The following TEAD4 variants were observed in gnomAD, a reference collection of about 807,000 sequenced individuals.
The protein encoded by TEAD4 is TEA domain transcription factor 4.
In TEAD4, 36 loss-of-function variants were observed where a neutral mutation model predicts 52.4. The observed-to-expected ratio is 0.69, with a 90% CI of 0.53 to 0.91. The LOEUF is 0.91. Ranked by LOEUF, TEAD4 falls within the 40% of genes least tolerant of loss-of-function variation. The probability of loss-of-function intolerance (pLI) is 0.00; values close to 1 mark genes in which losing one functional copy is unlikely to be tolerated. For synonymous variants in TEAD4, 220 were observed against 231.0 expected (o/e 0.95, Z 0.43); for missense variants, 508 against 583.9 (o/e 0.87, Z 1.34).
chr12:2,965,785 C>T (rs2098219750), intron 2 of TEAD4, among the ~76,000 whole-genome samples: 1 of 152,124 alleles, frequency 6.6e-6, no homozygotes, highest in Admixed American at 6.5e-5. Flanking sequence ...ACCTTGTGAT[C>T]CACCCATCTC....
chr12:3,018,794 A>G (rs1434042055), intron 7 of TEAD4, among the ~76,000 whole-genome samples: 1 of 151,966 alleles, frequency 6.6e-6, no homozygotes, highest in Non-Finnish European at 1.5e-5. Context: ...CTAGGGTGGT[A>G]TTTGCCAAAA....
intron 2 of TEAD4, among the ~76,000 whole-genome samples, chr12:2,987,711 C>G (rs150541204): frequency 0.067 from 10,176 of 151,604 alleles, 379 homozygotes; most frequent in Middle Eastern, 0.092. Flanking sequence ...CCTGAGCCAC[C>G]GTGCCCAGCC....
At chr12:2,974,691 C>G (rs2098228035) in intron 2 of TEAD4, among the ~76,000 whole-genome samples, 1 of 152,156 alleles carries the variant, frequency 6.6e-6, no homozygotes, top group Non-Finnish European at 1.5e-5. Context: ...GAGACTCCCT[C>G]TTCTGCCTGG....
chr12:2,996,895 G>C (rs940370670), intron 3 of TEAD4, among the ~76,000 whole-genome samples: 1 of 152,174 alleles, frequency 6.6e-6, no homozygotes, highest in Non-Finnish European at 1.5e-5. Flanking sequence ...TTACAGGTGT[G>C]AGCCACCATG....
intron 2 of TEAD4, among the ~76,000 whole-genome samples, chr12:2,971,137 TG>T (rs1350548662): frequency 1.3e-5 from 2 of 152,182 alleles, no homozygotes; most frequent in African/African-American, 4.8e-5. Flanking sequence ...CCTGTCCTCA[TG>T]GAACTTGCAG....
At chr12:2,999,284 G>A (rs903116825) in intron 3 of TEAD4, among the ~76,000 whole-genome samples, 1 of 152,072 alleles carries the variant, frequency 6.6e-6, no homozygotes, top group African/African-American at 2.4e-5. Flanking sequence ...CAGAGCTCTG[G>A]TCTTTTCTCC....
intron 2 of TEAD4, among the ~76,000 whole-genome samples, chr12:2,962,301 A>AATATAAATATATATATATAT (rs1555118305): frequency 3.4e-5 from 1 of 29,574 alleles, no homozygotes; most frequent in Non-Finnish European, 1.2e-4. Context: ...TATATATATA[A>AATATAAATATATATATATAT]ATATAAATAT....
Position 3,025,891 on chromosome 12 carries a change from T to C in TEAD4, c.897+3874T>C, listed in dbSNP as rs144450507. Reference sequence around the variant, plus strand: ...GTGCATTTGTCATTATCTTCTGACATAAATAGTCTGATAGCATTCTAATTC... The same window carrying C: ...GTGCATTTGTCATTATCTTCTGACACAAATAGTCTGATAGCATTCTAATTC... On this transcript the variant is annotated intron_variant, in intron 10 of 12. Coordinates refer to ENST00000359864, the MANE Select transcript of TEAD4 (RefSeq NM_003213.4). 5.2e-3 allele frequency among the ~76,000 whole-genome samples: 796 copies of C among 152,264 alleles called. 1 individual carries two copies. Among genetic ancestry groups the C allele is most frequent in the Admixed American group, 0.012 (182 of 15,284 alleles).
chr12:3,040,531 CG>C lies in TEAD4; in HGVS notation c.*54del. 6.5e-7 allele frequency: 1 copy of C among 1,527,718 alleles called. No individual in the cohort carries two copies. Among genetic ancestry groups the C allele is most frequent in the Non-Finnish European group, 9.0e-7 (1 of 1,108,984 alleles). The allele number at this position is 1,527,718 out of a possible 1,614,324, so 94.6% of individuals were successfully genotyped here. A position where few individuals can be genotyped will look rare whatever the true frequency, so the allele number is the denominator to read the frequency against. On this transcript the variant is annotated 3_prime_UTR_variant, in exon 13 of 13. Coordinates refer to ENST00000359864, the MANE Select transcript of TEAD4 (RefSeq NM_003213.4). ...GAGACGTGTGTGCAGGAAACGGGGA[CG>C]TGGGGAGGGGACCTGCAGGGGCAGC...
rs147883581 is a variant in TEAD4 at position 3,020,204 on chromosome 12, T to C, written c.584-430T>C. ...CTGGGAGCGGGGGAGACACATGTGATGCAAACAGGAAACGTCCCCGTCTCT... is the reference window on the plus strand; with the variant it reads ...CTGGGAGCGGGGGAGACACATGTGACGCAAACAGGAAACGTCCCCGTCTCT... On this transcript the variant is annotated intron_variant, in intron 8 of 12. Coordinates refer to ENST00000359864, the MANE Select transcript of TEAD4 (RefSeq NM_003213.4). 2.2e-3 allele frequency among the ~76,000 whole-genome samples: 338 copies of C among 152,310 alleles called. 6 individuals are homozygous for C. Among genetic ancestry groups the C allele is most frequent in the African/African-American group, 7.6e-3 (317 of 41,562 alleles).
At chr12:3,008,898 A>G (rs1439973859) in intron 3 of TEAD4, among the ~76,000 whole-genome samples, 1 of 152,174 alleles carries the variant, frequency 6.6e-6, no homozygotes, top group African/African-American at 2.4e-5. Context: ...CCCTCCTGCT[A>G]CACCGTCACC....
intron 5 of TEAD4, among the ~76,000 whole-genome samples, chr12:3,012,794 G>A (rs2098261407): frequency 6.6e-6 from 1 of 152,166 alleles, no homozygotes; most frequent in Non-Finnish European, 1.5e-5. Context: ...GCTCCCCACA[G>A]GAGTCAGGCC....
At chr12:3,006,227 G>A (rs1270221631) in intron 3 of TEAD4, among the ~76,000 whole-genome samples, 1 of 152,112 alleles carries the variant, frequency 6.6e-6, no homozygotes, top group Non-Finnish European at 1.5e-5. Context: ...TGTGTGCCTC[G>A]AAGGAGATGC....
At chr12:3,025,554 C>T (rs762839082) in intron 10 of TEAD4, among the ~76,000 whole-genome samples, 6 of 150,156 alleles carry the variant, frequency 4.0e-5, no homozygotes, top group Non-Finnish European at 7.4e-5. Flanking sequence ...GGTCTTGTTT[C>T]GAGATGGAGT....
chr12:2,975,833 G>A (rs1251774429), intron 2 of TEAD4, among the ~76,000 whole-genome samples: 1 of 152,078 alleles, frequency 6.6e-6, no homozygotes, highest in African/African-American at 2.4e-5. Flanking sequence ...TCCAGGTTCC[G>A]TTTATTCATC....
At chr12:3,006,650 C>G (rs541385494) in intron 3 of TEAD4, among the ~76,000 whole-genome samples, 3 of 151,468 alleles carry the variant, frequency 2.0e-5, no homozygotes. Context: ...CGCCATTTCA[C>G]TCCAGCCTAG....
intron 10 of TEAD4, among the ~76,000 whole-genome samples, chr12:3,023,442 A>C (rs982132346): frequency 6.6e-6 from 1 of 152,148 alleles, no homozygotes. Flanking sequence ...TTTTAAATCA[A>C]TGCATGTTCA....
chr12:2,961,217 A>ACTTTTCCTGGTTTAACTCTC (rs1446458592), intron 2 of TEAD4, among the ~76,000 whole-genome samples: 62 of 152,154 alleles, frequency 4.1e-4, no homozygotes, highest in African/African-American at 1.4e-3. Flanking sequence ...AGCCTGAACT[A>ACTTTTCCTGGTTTAACTCTC]CTTTTCCTGG....
chr12:3,006,744 G>A (rs923273394), intron 3 of TEAD4, among the ~76,000 whole-genome samples: 2 of 151,480 alleles, frequency 1.3e-5, no homozygotes, highest in African/African-American at 4.9e-5. Context: ...TACAAAGATG[G>A]GCCGGGTGTG....
Sources: gnomAD v4.1 joint callset for allele counts (sites outside exome capture counted in the v4.1 genomes callset) on GRCh38, gnomAD v4.1.1 for gene constraint, MANE v1.5 for transcripts, NCBI Gene and HGNC (gene_info 2026-07-23, HGNC 2026-07-21) for gene names.